The following MED13L variants were observed in gnomAD, a reference collection of about 807,000 sequenced individuals.
MED13L encodes mediator of RNA polymerase II transcription subunit 13-like.
A neutral mutation model predicts 220.9 loss-of-function variants in MED13L; 7 were observed. The ratio of observed to expected loss-of-function variants is 0.03; its 90% confidence interval spans 0.02 to 0.06. The LOEUF (loss-of-function observed/expected upper bound fraction) is 0.06. Ranked by LOEUF, MED13L falls within the 10% of genes least tolerant of loss-of-function variation. The pLI is 1.00. For synonymous variants in MED13L, 1,011 were observed against 1,015.2 expected, an observed-to-expected ratio of 1.00 and a Z score of 0.08; for missense variants, 1,965 against 2,760.5, an observed-to-expected ratio of 0.71 and a Z score of 6.46.
chr12:116,012,870 C>T lies in MED13L; in HGVS notation c.1207G>A (p.Glu403Lys), dbSNP rs528048938. Residue 403 changes from glutamate to lysine, a missense_variant, in exon 9 of 31, where the codon GAA (glutamate) becomes AAA (lysine). Glu to Lys is a moderately conservative substitution (Grantham distance 56, BLOSUM62 1). Transcript: ENST00000281928. ...GTAGCAGGATTGCTAGCAGGCTCTT[C>T]TTCAAGAGTTGGAGTTGACATTTGG... ...RSQMSTPTLE[E>K]EPASNPATWD... The T allele has an allele frequency of 1.9e-6, 3 of 1,613,940 alleles. No individual in the cohort carries two copies. The highest frequency in any genetic ancestry group is 1.7e-6 in the Non-Finnish European group (2 of 1,179,874).
chr12:116,008,741 T>C lies in MED13L; in HGVS notation c.1672A>G (p.Thr558Ala). 6.2e-7 allele frequency: 1 copy of C among 1,614,022 alleles called. No individual in the cohort carries two copies. The highest frequency in any genetic ancestry group is 8.5e-7 in the Non-Finnish European group (1 of 1,179,992). ...TGACCTCGTGGCTGAGGGCTGAGTGTTGGTGGCAGAGGGGATATAGGGGAA... is the reference window on the plus strand; with the variant it reads ...TGACCTCGTGGCTGAGGGCTGAGTGCTGGTGGCAGAGGGGATATAGGGGAA... Reference protein sequence around the residue: ...PHSPISPLPPTLSPQPRGQET... With the variant: ...PHSPISPLPPALSPQPRGQET... The change falls in exon 10 of 31, where the codon ACA becomes GCA. Residue 558 changes from threonine (T) to alanine (A), a missense_variant. Thr to Ala is a moderately conservative substitution (Grantham distance 58). Transcript: ENST00000281928.
chr12:116,212,586 G>T (rs1043918563), intron 2 of MED13L, among the ~76,000 whole-genome samples: 1 of 151,940 alleles, frequency 6.6e-6, no homozygotes, highest in Non-Finnish European at 1.5e-5. Context: ...AGCACATATG[G>T]AGCAAGTTAA....
chr12:116,165,687 A>C (rs1593119980), intron 2 of MED13L, among the ~76,000 whole-genome samples: 1 of 151,980 alleles, frequency 6.6e-6, no homozygotes, highest in East Asian at 1.9e-4. Context: ...AGACTAACAG[A>C]GTTTCACCAT....
chr12:116,055,546 T>C (rs1313880483), intron 4 of MED13L, among the ~76,000 whole-genome samples: 1 of 152,184 alleles, frequency 6.6e-6, no homozygotes, highest in Non-Finnish European at 1.5e-5. Context: ...ACAACCGGCC[T>C]TTCCAAGAAG....
Position 115,961,148 on chromosome 12 carries a change from G to A in MED13L, c.*118C>T. On this transcript the variant is annotated 3_prime_UTR_variant, in exon 31 of 31. Coordinates refer to ENST00000281928, the MANE Select transcript of MED13L (RefSeq NM_015335.5). ...CCTGCTGAGAAGGAATCACAGTGCA[G>A]GACTGTGGAGAGTGGTCTGAAGAAA... 5.3e-6 allele frequency: 7 copies of A among 1,323,778 alleles called. No individual in the cohort carries two copies. Among genetic ancestry groups the A allele is most frequent in the Non-Finnish European group, 7.6e-6 (7 of 926,194 alleles). The allele number at this position is 1,323,778 out of a possible 1,614,324, so 82.0% of individuals were successfully genotyped here.
At chr12:116,239,130 A>AAAAC (rs538403677) in intron 1 of MED13L, among the ~76,000 whole-genome samples, 1 of 152,224 alleles carries the variant, frequency 6.6e-6, no homozygotes, top group South Asian at 2.1e-4. Flanking sequence ...TCAAAAAACA[A>AAAAC]AAACAAACAA....
chr12:116,042,396 G>C (rs566791148), intron 4 of MED13L, among the ~76,000 whole-genome samples: 1 of 152,308 alleles, frequency 6.6e-6, no homozygotes, highest in Admixed American at 6.5e-5. Context: ...TCTGTATCTT[G>C]ATTCTCAGAT....
chr12:116,255,433 GA>G (rs879351699), intron 1 of MED13L, among the ~76,000 whole-genome samples: 4 of 152,160 alleles, frequency 2.6e-5, no homozygotes, highest in African/African-American at 7.2e-5. Flanking sequence ...AAAACTTCTG[GA>G]AGAAATCATA....
intron 4 of MED13L, among the ~76,000 whole-genome samples, chr12:116,070,783 G>A (rs914210947): frequency 3.3e-5 from 5 of 152,126 alleles, no homozygotes; most frequent in African/African-American, 1.2e-4. Flanking sequence ...ACAAATTAAT[G>A]CTACCACTTT....
chr12:116,094,395 A>G (rs187353223), intron 4 of MED13L, among the ~76,000 whole-genome samples: 10 of 152,344 alleles, frequency 6.6e-5, no homozygotes, highest in Admixed American at 2.0e-4. Context: ...CAGTGCTCAT[A>G]TATCAGCAGC....
intron 2 of MED13L, among the ~76,000 whole-genome samples, chr12:116,199,823 C>A (rs1881886740): frequency 6.6e-6 from 1 of 151,914 alleles, no homozygotes; most frequent in Non-Finnish European, 1.5e-5. Context: ...ATTTAAGAAG[C>A]CAATCAATTA....
chr12:116,043,554 G>A lies in MED13L; in HGVS notation c.480-20953C>T, dbSNP rs556794380. Among the ~76,000 whole-genome samples the A allele has an allele frequency of 7.9e-5, 12 of 152,250 alleles. No individual in the cohort carries two copies. The East Asian group carries it at 2.1e-3, about 27-fold the overall frequency. On this transcript the variant is annotated intron_variant, in intron 4 of 30. Coordinates refer to ENST00000281928, the MANE Select transcript of MED13L (RefSeq NM_015335.5). ...AAATCTAATACAAAAAGTAAAACAT[G>A]CTCTAAAACATGTTAGGATAATCAG...
intron 29 of MED13L, among the ~76,000 whole-genome samples, chr12:115,965,102 G>T (rs2137198274): frequency 6.6e-6 from 1 of 152,176 alleles, no homozygotes; most frequent in African/African-American, 2.4e-5. Context: ...ATAAGTTTTT[G>T]GTTTAATTTC....
chr12:116,177,065 C>CA (rs1168753968), intron 2 of MED13L, among the ~76,000 whole-genome samples: 1 of 151,892 alleles, frequency 6.6e-6, no homozygotes, highest in African/African-American at 2.4e-5. Context: ...AACACACATA[C>CA]AAAAAAGTAC....
At chr12:116,260,631 G>A (rs1188265902) in intron 1 of MED13L, among the ~76,000 whole-genome samples, 1 of 152,146 alleles carries the variant, frequency 6.6e-6, no homozygotes, top group Non-Finnish European at 1.5e-5. Context: ...AAATTTGAAA[G>A]AAACCAAAAT....
chr12:116,273,134 G>A (rs534613025), intron 1 of MED13L, among the ~76,000 whole-genome samples: 16 of 151,970 alleles, frequency 1.1e-4, no homozygotes, highest in African/African-American at 3.4e-4. Context: ...GAGAAACCCC[G>A]TCTCTACTAA....
chr12:116,056,358 G>A (rs1483393764), intron 4 of MED13L, among the ~76,000 whole-genome samples: 2 of 151,780 alleles, frequency 1.3e-5, no homozygotes, highest in Non-Finnish European at 1.5e-5. Flanking sequence ...GCTCACTGCA[G>A]CCTCAACCTC....
intron 2 of MED13L, among the ~76,000 whole-genome samples, chr12:116,179,686 T>TA (rs1880371815): frequency 2.7e-5 from 2 of 74,866 alleles, no homozygotes; most frequent in South Asian, 1.8e-3. Flanking sequence ...GAGCAGTGAA[T>TA]AACCTTTTTT....
intron 2 of MED13L, among the ~76,000 whole-genome samples, chr12:116,134,754 T>TA (rs1215214966): frequency 2.6e-5 from 4 of 152,212 alleles, no homozygotes; most frequent in Non-Finnish European, 5.9e-5. Context: ...TTTACGATGA[T>TA]ACGCCAGTTT....
Sources: allele counts gnomAD v4.1 joint callset (sites outside exome capture counted in the v4.1 genomes callset), GRCh38; gene constraint gnomAD v4.1.1; transcripts MANE v1.5; gene names NCBI Gene and HGNC (gene_info 2026-07-23, HGNC 2026-07-21).